The following KIAA1328 variants were observed in gnomAD, a reference collection of about 807,000 sequenced individuals.
KIAA1328 encodes the protein protein hinderin.
In KIAA1328, 52 loss-of-function variants were observed where a neutral mutation model predicts 68.1. The ratio of observed to expected loss-of-function variants is 0.76; its 90% CI spans 0.61 to 0.96. The LOEUF is 0.96. Ranked by LOEUF, KIAA1328 falls within the 40% of genes least tolerant of loss-of-function variation. The pLI, the probability that KIAA1328 is intolerant of heterozygous loss-of-function variation, is 0.00. For synonymous variants in KIAA1328, 232 were observed against 239.4 expected (o/e 0.97, Z 0.28); for missense variants, 641 against 677.6 (o/e 0.95, Z 0.60).
chr18:37,179,216 C>T (rs2059653440), intron 9 of KIAA1328, among the ~76,000 whole-genome samples: 1 of 152,096 alleles, frequency 6.6e-6, no homozygotes, highest in Admixed American at 6.6e-5. Flanking sequence ...TACATTTAAG[C>T]CTTTAATCCA....
intron 5 of KIAA1328, among the ~76,000 whole-genome samples, chr18:36,887,597 C>G (rs999876129): frequency 6.6e-6 from 1 of 152,190 alleles, no homozygotes; most frequent in Admixed American, 6.6e-5. Flanking sequence ...CTCCCTACTC[C>G]CCACCCAGTG....
At chr18:36,984,225 C>T (rs965054450) in intron 6 of KIAA1328, among the ~76,000 whole-genome samples, 1 of 152,154 alleles carries the variant, frequency 6.6e-6, no homozygotes, top group African/African-American at 2.4e-5. Flanking sequence ...CTTACCACAT[C>T]TATTCAACAT....
At chr18:36,836,039 G>A (rs2046662162) in intron 3 of KIAA1328, among the ~76,000 whole-genome samples, 1 of 152,142 alleles carries the variant, frequency 6.6e-6, no homozygotes, top group South Asian at 2.1e-4. Flanking sequence ...GGTTGCTTTT[G>A]TGTTACAATA....
At chr18:36,990,732 G>A (rs1234423376) in intron 6 of KIAA1328, among the ~76,000 whole-genome samples, 1 of 151,798 alleles carries the variant, frequency 6.6e-6, no homozygotes, top group Admixed American at 6.6e-5. Context: ...AGAGAATACA[G>A]CAGTGAACAT....
rs2060585308 is a variant in KIAA1328 at position 37,222,669 on chromosome 18, C to T, written c.*442C>T. ...ACATAAGCAGTTTCAGAAAGGCAGACTCTCTCATCTTTCTCATCCTGTTCT... is the reference window on the plus strand; with the variant it reads ...ACATAAGCAGTTTCAGAAAGGCAGATTCTCTCATCTTTCTCATCCTGTTCT... On this transcript the variant is annotated 3_prime_UTR_variant, in exon 10 of 10. Coordinates refer to ENST00000280020, the MANE Select transcript of KIAA1328 (RefSeq NM_020776.3). The T allele has an allele frequency of 7.9e-6, 8 of 1,015,568 alleles. No homozygotes were observed. The South Asian group carries it at 2.4e-4, about 30-fold the overall frequency. The allele number at this position is 1,015,568 out of a possible 1,614,324, so 62.9% of individuals were successfully genotyped here.
intron 4 of KIAA1328, among the ~76,000 whole-genome samples, chr18:36,849,474 G>A (rs1386279458): frequency 1.3e-5 from 2 of 151,890 alleles, no homozygotes; most frequent in Non-Finnish European, 2.9e-5. Context: ...CTGTCTCTAA[G>A]GATTTGCTGA....
chr18:37,057,061 A>G (rs1383607594), intron 6 of KIAA1328, among the ~76,000 whole-genome samples: 3 of 152,090 alleles, frequency 2.0e-5, no homozygotes, highest in Non-Finnish European at 4.4e-5. Flanking sequence ...ATATCCCCCT[A>G]CATGCTTTTC....
chr18:36,954,616 AATGGTG>A (rs1466588004), intron 5 of KIAA1328: 2 of 152,074 alleles, frequency 1.3e-5, no homozygotes, highest in Admixed American at 1.3e-4. Context: ...GGCGTTCTAA[AATGGTG>A]ATTTAAAATT....
chr18:37,026,627 T>C (rs2054593580), intron 6 of KIAA1328, among the ~76,000 whole-genome samples: 1 of 152,172 alleles, frequency 6.6e-6, no homozygotes, highest in African/African-American at 2.4e-5. Flanking sequence ...AAAAACCACA[T>C]GATTATCTCA....
At chr18:36,837,835 A>C (rs2046731264) in intron 3 of KIAA1328, among the ~76,000 whole-genome samples, 1 of 152,170 alleles carries the variant, frequency 6.6e-6, no homozygotes. Flanking sequence ...ATTTGTTAAA[A>C]AAACTGTCCT....
chr18:37,054,647 A>T (rs1336448024), intron 6 of KIAA1328, among the ~76,000 whole-genome samples: 1 of 152,178 alleles, frequency 6.6e-6, no homozygotes, highest in Non-Finnish European at 1.5e-5. Flanking sequence ...AACAGTAGAC[A>T]CTGGGGACTC....
intron 9 of KIAA1328, among the ~76,000 whole-genome samples, chr18:37,177,138 A>G (rs889395226): frequency 1.3e-5 from 2 of 152,204 alleles, no homozygotes; most frequent in African/African-American, 4.8e-5. Context: ...TTTTATTTCA[A>G]ATTTGACTGG....
intron 5 of KIAA1328, among the ~76,000 whole-genome samples, chr18:36,917,691 T>C (rs2049760454): frequency 6.6e-6 from 1 of 152,218 alleles, no homozygotes; most frequent in Admixed American, 6.5e-5. Context: ...AGACAGAATT[T>C]AATATATAGG....
Position 37,079,963 on chromosome 18 carries a change from CAATTA to C in KIAA1328, c.1232+12423_1232+12427del, listed in dbSNP as rs557489766. Among the ~76,000 whole-genome samples, 73 of 150,346 alleles carry C rather than the reference CAATTA, an allele frequency of 4.9e-4. No homozygotes were observed. In the South Asian group the frequency reaches 0.012, roughly 25 times the overall value. On this transcript the variant is annotated intron_variant, in intron 7 of 9. Coordinates refer to ENST00000280020, the MANE Select transcript of KIAA1328 (RefSeq NM_020776.3). ...AATTTCATTTATGCAGTAACTATGT[CAATTA>C]AATTTTATCAAGTTATATTTTATTA... is the stretch of plus-strand genomic sequence containing the variant.
intron 9 of KIAA1328, among the ~76,000 whole-genome samples, chr18:37,205,723 A>T (rs1356353595): frequency 6.6e-6 from 1 of 152,192 alleles, no homozygotes; most frequent in Non-Finnish European, 1.5e-5. Context: ...AATAATTTTA[A>T]TTCGGTTTTC....
intron 7 of KIAA1328, among the ~76,000 whole-genome samples, chr18:37,123,352 A>G (rs545231907): frequency 5.3e-5 from 8 of 152,326 alleles, no homozygotes; most frequent in African/African-American, 1.7e-4. Context: ...GATCATAATT[A>G]GATATGTAAC....
intron 6 of KIAA1328, among the ~76,000 whole-genome samples, chr18:37,066,356 T>C (rs1477416478): frequency 6.6e-6 from 1 of 152,210 alleles, no homozygotes; most frequent in Non-Finnish European, 1.5e-5. Context: ...TCCTATTTTG[T>C]TGAAAGTGGT....
At chr18:37,190,625 A>T (rs984656929) in intron 9 of KIAA1328, among the ~76,000 whole-genome samples, 2 of 152,178 alleles carry the variant, frequency 1.3e-5, no homozygotes, top group African/African-American at 2.4e-5. Flanking sequence ...TAAGAAAGAG[A>T]GAAAGTTATT....
chr18:37,029,776 T>C (rs1005134189), intron 6 of KIAA1328, among the ~76,000 whole-genome samples: 2 of 152,200 alleles, frequency 1.3e-5, no homozygotes, highest in Admixed American at 6.5e-5. Context: ...TTTTTCCGTA[T>C]TCTCAGTTGA....
Sources: allele counts gnomAD v4.1 joint callset (sites outside exome capture counted in the v4.1 genomes callset), GRCh38; gene constraint gnomAD v4.1.1; transcripts MANE v1.5; gene names NCBI Gene and HGNC (gene_info 2026-07-23, HGNC 2026-07-21).